Variants in NOTCH2 observed in about 807,000 individuals in gnomAD.
NOTCH2 encodes notch receptor 2.
Under a neutral mutation model 235.8 loss-of-function variants are expected in NOTCH2, and 29 were observed. That is an observed-to-expected ratio of 0.12 (90% CI 0.09 to 0.17). NOTCH2 has a LOEUF of 0.17. NOTCH2 is among the 10% of genes least tolerant of loss of function. NOTCH2 has a pLI of 1.00. For synonymous variants in NOTCH2, 1,086 were observed against 1,141.5 expected, an observed-to-expected ratio of 0.95 and a Z score of 0.98; for missense variants, 2,285 against 3,150.2, an observed-to-expected ratio of 0.73 and a Z score of 6.57.
intron 1 of NOTCH2, among the ~76,000 whole-genome samples, chr1:120,048,236 T>C (rs1654876117): frequency 7.1e-6 from 1 of 139,960 alleles, no homozygotes; most frequent in South Asian, 2.5e-4. Context: ...CATATATACG[T>C]GCATAGCAAA....
chr1:119,999,964 AAAGAAAGAAAGAAAGGAAGGAAGG>A (rs1208295262), intron 3 of NOTCH2, among the ~76,000 whole-genome samples: 2,969 of 125,728 alleles, frequency 0.024, 65 homozygotes, highest in African/African-American at 0.078. Context: ...AGAAAGAAAG[AAAGAAAGAAAGAAAGGAAGGAAGG>A]AAGGAAGGAA....
intron 10 of NOTCH2, among the ~76,000 whole-genome samples, chr1:119,964,660 T>C (rs1208923286): frequency 1.3e-5 from 2 of 152,266 alleles, no homozygotes; most frequent in African/African-American, 2.4e-5. Context: ...AAATAAATTA[T>C]ATGCATGATG....
chr1:119,921,768 G>A lies in NOTCH2; in HGVS notation c.5255C>T (p.Thr1752Ile), dbSNP rs745747051. The change falls in exon 29 of 34, where the codon ACT becomes ATT. Residue 1752 changes from threonine to isoleucine, a missense_variant. Coordinates refer to ENST00000256646, the MANE Select transcript of NOTCH2 (RefSeq NM_024408.4). ...VQVSEANLIG[T>I]GTSEHWVDDE... Reference sequence around the variant, plus strand: ...ATCGACCCAGTGTTCACTTGTTCCAGTACCAATTAGGTTAGCTTCTGAGAC... The same window carrying A: ...ATCGACCCAGTGTTCACTTGTTCCAATACCAATTAGGTTAGCTTCTGAGAC... The A allele has an allele frequency of 4.3e-6, 7 of 1,614,108 alleles. No homozygotes were observed. The highest frequency in any genetic ancestry group is 5.9e-6 in the Non-Finnish European group (7 of 1,179,988).
In NOTCH2 at chr1:119,966,255, A is replaced by G. The variant is rs1262363753; in HGVS notation, c.1567+121T>C. The G allele has an allele frequency of 5.2e-6, 4 of 772,980 alleles. No homozygotes were observed. In the African/African-American group the frequency reaches 6.8e-5, roughly 13 times the overall value. 47.9% of individuals were successfully genotyped at this position (772,980 alleles called of 1,614,324 possible). On this transcript the variant is annotated intron_variant, in intron 9 of 33. Transcript: ENST00000256646. ...TCTGTACACACACACTCCTATCACC[A>G]AGCACTTACTCTAATGATTTCCTCA...
At chr1:120,024,947 G>A (rs587662716) in intron 2 of NOTCH2, among the ~76,000 whole-genome samples, 60 of 150,652 alleles carry the variant, frequency 4.0e-4, no homozygotes, top group African/African-American at 1.4e-3. Flanking sequence ...AAACTAGAAG[G>A]GATATAAGCC....
Position 119,950,841 on chromosome 1 carries a change from T to C in NOTCH2, c.2366-4A>G. 1 of 1,601,720 alleles carries C rather than the reference T, an allele frequency of 6.2e-7. No homozygotes were observed. The highest frequency in any genetic ancestry group is 8.6e-7 in the Non-Finnish European group (1 of 1,168,690). On this transcript the variant is annotated splice_polypyrimidine_tract_variant and splice_region_variant and intron_variant, in intron 14 of 33. Coordinates refer to ENST00000256646, the MANE Select transcript of NOTCH2 (RefSeq NM_024408.4). Reference sequence around the variant, plus strand: ...ATATTCACCTGGCAGTTATAGCCTGTAGACAAAAGGAAAAAACCAAAAACA... The same window carrying C: ...ATATTCACCTGGCAGTTATAGCCTGCAGACAAAAGGAAAAAACCAAAAACA...
intron 15 of NOTCH2, among the ~76,000 whole-genome samples, chr1:119,949,627 C>T (rs1358493263): frequency 6.6e-6 from 1 of 152,094 alleles, no homozygotes; most frequent in Admixed American, 6.5e-5. Flanking sequence ...ACCTCGTGAT[C>T]CGCCTGCCTC....
At chr1:120,015,182 G>C (rs1480733082) in intron 2 of NOTCH2, among the ~76,000 whole-genome samples, 2 of 152,156 alleles carry the variant, frequency 1.3e-5, no homozygotes, top group Admixed American at 1.3e-4. Flanking sequence ...TCTCATGTGG[G>C]TTGCGTCGGC....
intron 18 of NOTCH2, 151 bp downstream of exon 18, chr1:119,941,375 C>T: frequency 1.4e-6 from 1 of 695,056 alleles, no homozygotes; most frequent in Non-Finnish European, 2.6e-6. Context: ...TTATCAGGAA[C>T]CAGTAACCGG....
chr1:119,923,485 G>C (rs2793830), intron 26 of NOTCH2, 152 bp downstream of exon 26: 1 of 711,152 alleles, frequency 1.4e-6, no homozygotes, highest in Non-Finnish European at 2.4e-6. Flanking sequence ...ACATTTAAAC[G>C]TAAGTACTGG....
chr1:119,922,982 A>T (rs898735129), intron 26 of NOTCH2, among the ~76,000 whole-genome samples: 3 of 152,224 alleles, frequency 2.0e-5, no homozygotes, highest in Non-Finnish European at 2.9e-5. Context: ...TAATTCCCAC[A>T]TAGAGGATGT....
chr1:119,927,724 C>G (rs1001732945), intron 23 of NOTCH2, among the ~76,000 whole-genome samples: 1 of 152,136 alleles, frequency 6.6e-6, no homozygotes, highest in Non-Finnish European at 1.5e-5. Flanking sequence ...TTTCAAAGTG[C>G]AGTTTGGCCA....
In NOTCH2 at chr1:119,919,426, C is replaced by A; in HGVS notation, c.5667G>T (p.Arg1889=). The A allele has an allele frequency of 6.2e-7, 1 of 1,613,782 alleles. No homozygotes were observed. ...CCAGGAGACGCTTGGCAGCATCAGCCCGTGAGTAGCGGGCTGCAAGGTGCA... is the reference window on the plus strand; with the variant it reads ...CCAGGAGACGCTTGGCAGCATCAGCACGTGAGTAGCGGGCTGCAAGGTGCA... The part of the protein sequence containing the change: ...MALHLAARYS[R]ADAAKRLLDA... The change falls in exon 31 of 34, where the codon CGG becomes CGT. Residue 1889 remains arginine, a synonymous_variant. Transcript: ENST00000256646.
At position 120,069,018 on chromosome 1, in the gene NOTCH2, T is replaced by C. The variant is rs1553217697; in HGVS notation, c.73+316A>G. The C allele has an allele frequency of 5.2e-6, 7 of 1,351,328 alleles. No homozygotes were observed. The East Asian group carries it at 2.2e-4, about 42-fold the overall frequency. 83.7% of individuals were successfully genotyped at this position (1,351,328 alleles called of 1,614,324 possible). A position where few individuals can be genotyped will look rare whatever the true frequency, so the allele number is the denominator to read the frequency against. ...AAACGCGGAACCTGAAGGGCAAAAC[T>C]GCCCACCTCCCTGCACCCTGGCACT... On this transcript the variant is annotated intron_variant, in intron 1 of 33. Transcript: ENST00000256646.
At chr1:119,962,897 C>T (rs10923928) in intron 11 of NOTCH2, among the ~76,000 whole-genome samples, 3,763 of 152,102 alleles carry the variant, frequency 0.025, 153 homozygotes, top group African/African-American at 0.086. Flanking sequence ...AAAATAATTC[C>T]ACATCCCCCC....
chr1:119,984,508 G>A (rs1350323288), intron 5 of NOTCH2, among the ~76,000 whole-genome samples: 1 of 152,178 alleles, frequency 6.6e-6, no homozygotes, highest in Non-Finnish European at 1.5e-5. Context: ...ATAAACATTA[G>A]TTAACTCCTA....
At position 119,963,817 on chromosome 1, in the gene NOTCH2, G is replaced by C. The variant is rs782581707; in HGVS notation, c.1682-10C>G. ...AACACACCAGTGAAACCTTTGGAAA[G>C]AATTTTATCAAGGATTCTCAAAGAC... On this transcript the variant is annotated splice_polypyrimidine_tract_variant and intron_variant, in intron 10 of 33. Coordinates refer to ENST00000256646, the MANE Select transcript of NOTCH2 (RefSeq NM_024408.4). The C allele has an allele frequency of 6.2e-7, 1 of 1,610,256 alleles. No individual in the cohort carries two copies. The highest frequency in any genetic ancestry group is 1.7e-5 in the Admixed American group (1 of 60,010).
chr1:119,916,833 AGG>A, intron 33 of NOTCH2, 139 bp from the exon 34 acceptor site: 1 of 842,894 alleles, frequency 1.2e-6, no homozygotes, highest in Non-Finnish European at 2.0e-6. Context: ...CACCACAGAT[AGG>A]CTGTGCCTCT....
rs1308966085 is a variant in NOTCH2, at chr1:119,968,219, A to G, written c.1122T>C (p.His374=). The part of the protein sequence containing the change: ...CPEGKAGLLC[H]LDDACISNPC... ...GATTGCTGATGCATGCATCATCCAG[A>G]TGACACAGGAGACCTGTCACAGGGT... is the stretch of plus-strand genomic sequence containing the variant. Residue 374 remains histidine (H), a synonymous_variant, in exon 7 of 34, where the codon CAT becomes CAC. Transcript: ENST00000256646. The G allele has an allele frequency of 6.2e-6, 10 of 1,613,796 alleles. No homozygotes were observed. Among genetic ancestry groups the G allele is most frequent in the Non-Finnish European group, 8.5e-6 (10 of 1,179,932 alleles).
Sources: allele counts gnomAD v4.1 joint callset (sites outside exome capture counted in the v4.1 genomes callset), GRCh38; gene constraint gnomAD v4.1.1; transcripts MANE v1.5; gene names NCBI Gene and HGNC (gene_info 2026-07-23, HGNC 2026-07-21).